TUBB2A: variants seen among roughly 807,000 people sequenced by gnomAD.
TUBB2A encodes tubulin beta-2A chain.
TUBB2A carries 7 observed loss-of-function variants against 33.9 expected under a neutral mutation model. The observed-to-expected ratio is 0.21, with a 90% CI of 0.12 to 0.39. The LOEUF (loss-of-function observed/expected upper bound fraction) is 0.39. TUBB2A is among the 10% of genes least tolerant of loss of function. TUBB2A has a pLI of 1.00. For synonymous variants in TUBB2A, 187 were observed against 247.6 expected (o/e 0.76, Z 2.30); for missense variants, 80 against 593.4 (o/e 0.13, Z 8.99).
chr6:3,156,756 C>T (rs1010288286), intron 1 of TUBB2A, among the ~76,000 whole-genome samples: 3 of 152,182 alleles, frequency 2.0e-5, no homozygotes, highest in Non-Finnish European at 2.9e-5. Flanking sequence ...TGTGAATTTG[C>T]GGCGGGGAGG....
At chr6:3,157,363 A>G in intron 1 of TUBB2A, 44 bp downstream of exon 1, 1 of 1,442,420 alleles carries the variant, frequency 6.9e-7, no homozygotes, top group Non-Finnish European at 9.1e-7. Context: ...CCCAGCCCGC[A>G]CCCTCGGTCC....
rs988753627 is a variant in TUBB2A, at chr6:3,155,872, C to T, written c.167-137G>A. ...AAAGGAGGTCCTGAGTGTGCTTAGC[C>T]GTGGCAAACAGGCAGGAATCTTAGG... On this transcript the variant is annotated intron_variant, in intron 2 of 3. Transcript: ENST00000333628. The surrounding 1 kb of genome is among the most constrained non-coding windows in gnomAD (Gnocchi z 4.2). The T allele has an allele frequency of 7.3e-6, 10 of 1,375,040 alleles. No individual in the cohort carries two copies. The highest frequency in any genetic ancestry group is 5.8e-5 in the African/African-American group (4 of 68,812). The allele number at this position is 1,375,040 out of a possible 1,614,324, so 85.2% of individuals were successfully genotyped here.
Position 3,154,612 on chromosome 6 carries a change from C to A in TUBB2A, c.589G>T (p.Asp197Tyr), listed in dbSNP as rs1376807695. 4 of 1,614,174 alleles carry A rather than the reference C, an allele frequency of 2.5e-6. No homozygotes were observed. The highest frequency in any genetic ancestry group is 3.4e-6 in the Non-Finnish European group (4 of 1,180,018). ...LSVHQLVENT[D>Y]ETYSIDNEAL... The stretch of plus-strand genomic sequence containing the variant: ...TCGTTATCAATGGAGTAGGTTTCAT[C>A]TGTGTTTTCCACCAGCTGGTGGACA... The change falls in exon 4 of 4, where the codon GAT (aspartate) becomes TAT (tyrosine). Residue 197 changes from aspartate to tyrosine, a missense_variant. Around this residue, in one of 5 missense-constraint regions of TUBB2A, gnomAD observed 25 missense variants for 350.5 expected, o/e 0.07. Transcript: ENST00000333628.
chr6:3,157,478 A>G lies in TUBB2A; in HGVS notation c.-15T>C. On this transcript the variant is annotated 5_prime_UTR_variant, in exon 1 of 4. Transcript: ENST00000333628. ...ATCTCGCGCATGGTGCCGGCTGCGG[A>G]GCGGGTGGCGCTGGCCCTCGGAGCG... 6.6e-7 allele frequency: 1 copy of G among 1,519,104 alleles called. No homozygotes were observed. The highest frequency in any genetic ancestry group is 1.2e-5 in the South Asian group (1 of 82,330). The allele number at this position is 1,519,104 out of a possible 1,614,324, so 94.1% of individuals were successfully genotyped here. A position where few individuals can be genotyped will look rare whatever the true frequency, so the allele number is the denominator to read the frequency against.
chr6:3,157,294 C>T, intron 1 of TUBB2A, 113 bp downstream of exon 1: 3 of 1,189,090 alleles, frequency 2.5e-6, no homozygotes, highest in Non-Finnish European at 3.1e-6. Context: ...GCGGCCTCGC[C>T]GCGGAATGTG....
chr6:3,155,021 GGCAGA>G lies in TUBB2A; in HGVS notation c.278-103_278-99del. The G allele has an allele frequency of 6.4e-7, 1 of 1,559,936 alleles. No homozygotes were observed. On this transcript the variant is annotated intron_variant, in intron 3 of 3. Transcript: ENST00000333628. The surrounding 1 kb of genome is among the most constrained non-coding windows in gnomAD (Gnocchi z 4.2). ...GAGAAGGTAGGACTGGTCTTAGACT[GGCAGA>G]TTCTTCTCTTTTGAATACTCTTCTT...
Position 3,157,422 on chromosome 6 carries a change from G to A in TUBB2A, c.42C>T (p.Asn14=). The A allele has an allele frequency of 1.3e-6, 2 of 1,544,716 alleles. No individual in the cohort carries two copies. The highest frequency in any genetic ancestry group is 2.3e-4 in the Middle Eastern group (1 of 4,266). Residue 14 remains asparagine, a synonymous_variant, in exon 1 of 4, where the codon AAC becomes AAT. Transcript: ENST00000333628. ...IVHIQAGQCG[N]QIGAKFWEVI... Reference sequence around the variant, plus strand: ...GTGAGCCCACCTTGGCGCCGATCTGGTTGCCGCACTGGCCCGCCTGGATGT... The same window carrying A: ...GTGAGCCCACCTTGGCGCCGATCTGATTGCCGCACTGGCCCGCCTGGATGT...
rs143768700 is a variant in TUBB2A, at chr6:3,156,167, G to T, written c.58-15C>A. 6.2e-7 allele frequency: 1 copy of T among 1,613,712 alleles called. No homozygotes were observed. The highest frequency in any genetic ancestry group is 1.7e-5 in the Admixed American group (1 of 59,994). On this transcript the variant is annotated splice_polypyrimidine_tract_variant and intron_variant, in intron 1 of 3. Coordinates refer to ENST00000333628, the MANE Select transcript of TUBB2A (RefSeq NM_001069.3). ...ACCTCCCAAAACTGAAATGAAAAAA[G>T]AACCACACCATGGCTCTGCATCCTG...
In TUBB2A at chr6:3,155,775, A is replaced by T; in HGVS notation, c.167-40T>A. 6.6e-7 allele frequency: 1 copy of T among 1,515,014 alleles called. No individual in the cohort carries two copies. The highest frequency in any genetic ancestry group is 9.1e-7 in the Non-Finnish European group (1 of 1,094,930). The allele number at this position is 1,515,014 out of a possible 1,614,324, so 93.8% of individuals were successfully genotyped here. A position where few individuals can be genotyped will look rare whatever the true frequency, so the allele number is the denominator to read the frequency against. ...AACTGACTCAGGCCTGTGCTTGGGG[A>T]GGGACTCACAGCAGCATTCAATTCC... On this transcript the variant is annotated intron_variant, in intron 2 of 3. Coordinates refer to ENST00000333628, the MANE Select transcript of TUBB2A (RefSeq NM_001069.3). This position sits in a 1 kb window ranked among gnomAD's most constrained non-coding sequence, Gnocchi z 4.2.
Sources: allele counts gnomAD v4.1 joint callset (sites outside exome capture counted in the v4.1 genomes callset), GRCh38; gene constraint gnomAD v4.1.1; regional missense constraint gnomAD v4.1.1; non-coding constraint Gnocchi (gnomAD v3.1); transcripts MANE v1.5; gene names NCBI Gene and HGNC (gene_info 2026-07-23, HGNC 2026-07-21).